The following PCDH15 variants were observed in gnomAD, a reference collection of about 807,000 sequenced individuals.
PCDH15 encodes protocadherin-15.
PCDH15 carries 129 observed loss-of-function variants against 178.5 expected under a neutral mutation model. The ratio of observed to expected loss-of-function variants is 0.72; its 90% CI spans 0.63 to 0.84. The LOEUF is 0.84. Ranked by LOEUF, PCDH15 falls within the 40% of genes least tolerant of loss-of-function variation. The pLI is 0.00. For missense variants in PCDH15, 2,230 were observed against 2,099.9 expected, an observed-to-expected ratio of 1.06 and a Z score of -1.21; for synonymous variants, 800 against 732.0, an observed-to-expected ratio of 1.09 and a Z score of -1.50.
chr10:54,414,333 A>G (rs574966877), intron 3 of PCDH15, among the ~76,000 whole-genome samples: 3 of 152,172 alleles, frequency 2.0e-5, no homozygotes, highest in South Asian at 2.1e-4. Flanking sequence ...CATAATTCCA[A>G]TCAAACATTT....
At chr10:55,080,660 G>A (rs565323197) in intron 2 of PCDH15, among the ~76,000 whole-genome samples, 3 of 152,266 alleles carry the variant, frequency 2.0e-5, no homozygotes, top group South Asian at 2.1e-4. Context: ...CATGGAGACT[G>A]TGCTACCAGA....
At chr10:54,102,323 G>A (rs760309725) in intron 15 of PCDH15, among the ~76,000 whole-genome samples, 3 of 152,176 alleles carry the variant, frequency 2.0e-5, no homozygotes, top group East Asian at 3.9e-4. Flanking sequence ...TGATGTTTCC[G>A]GTGGGCCTTA....
At chr10:54,541,643 T>G (rs1487913893) in intron 2 of PCDH15, among the ~76,000 whole-genome samples, 2 of 151,914 alleles carry the variant, frequency 1.3e-5, no homozygotes, top group African/African-American at 4.8e-5. Context: ...GTTTTGTAAT[T>G]GAAATATAAA....
intron 2 of PCDH15, among the ~76,000 whole-genome samples, chr10:54,660,865 G>T (rs1275620258): frequency 1.3e-5 from 2 of 151,918 alleles, no homozygotes; most frequent in African/African-American, 4.8e-5. Flanking sequence ...GTAGCCATAT[G>T]ATCATCTCAA....
At chr10:55,037,908 C>T (rs886266100) in intron 2 of PCDH15, among the ~76,000 whole-genome samples, 6 of 152,206 alleles carry the variant, frequency 3.9e-5, no homozygotes, top group South Asian at 2.1e-4. Context: ...TGATACCTAG[C>T]GCATATGACT....
At chr10:54,497,330 C>T (rs148191929) in intron 3 of PCDH15, among the ~76,000 whole-genome samples, 1 of 150,744 alleles carries the variant, frequency 6.6e-6, no homozygotes, top group East Asian at 1.9e-4. Flanking sequence ...ATTAAAAGAA[C>T]ATTAGCCCCC....
intron 2 of PCDH15, among the ~76,000 whole-genome samples, chr10:55,148,071 G>T (rs1564838551): frequency 1.3e-5 from 2 of 151,162 alleles, no homozygotes; most frequent in African/African-American, 2.4e-5. Flanking sequence ...TAAAGCTAAA[G>T]AAAATATTTT....
At chr10:55,567,448 A>G (rs1842324350) in intron 2 of PCDH15, among the ~76,000 whole-genome samples, 1 of 151,588 alleles carries the variant, frequency 6.6e-6, no homozygotes, top group African/African-American at 2.4e-5. Context: ...AAAAAAAAAG[A>G]AGATGAAATA....
intron 8 of PCDH15, among the ~76,000 whole-genome samples, chr10:54,256,225 G>C (rs1364708709): frequency 6.6e-6 from 1 of 152,096 alleles, no homozygotes; most frequent in Non-Finnish European, 1.5e-5. Context: ...TGGTCAGCTA[G>C]GCTCACCTAA....
chr10:54,955,025 T>A (rs2131878315), intron 2 of PCDH15, among the ~76,000 whole-genome samples: 1 of 151,380 alleles, frequency 6.6e-6, no homozygotes, highest in East Asian at 1.9e-4. Flanking sequence ...TTTCAGGTCA[T>A]TTTTTAATTG....
At chr10:54,992,316 C>T (rs1358587398) in intron 2 of PCDH15, among the ~76,000 whole-genome samples, 1 of 152,124 alleles carries the variant, frequency 6.6e-6, no homozygotes, top group African/African-American at 2.4e-5. Flanking sequence ...AACATGAACA[C>T]TTGATCCAAG....
chr10:55,338,817 T>C (rs1011806266), intron 2 of PCDH15, among the ~76,000 whole-genome samples: 4 of 151,994 alleles, frequency 2.6e-5, no homozygotes, highest in African/African-American at 4.8e-5. Context: ...ACAAAATCCT[T>C]TGATTGGCAA....
intron 11 of PCDH15, among the ~76,000 whole-genome samples, chr10:54,194,487 C>T (rs1564648451): frequency 6.6e-6 from 1 of 151,996 alleles, no homozygotes; most frequent in Non-Finnish European, 1.5e-5. Flanking sequence ...AGAGCAAGCA[C>T]TGTTAAGGGA....
chr10:55,301,461 T>C (rs1843277952), intron 1 of PCDH15, among the ~76,000 whole-genome samples: 2 of 152,104 alleles, frequency 1.3e-5, no homozygotes, highest in East Asian at 1.9e-4. Flanking sequence ...TTTTTTCTTT[T>C]TTAAAGTTGC....
chr10:54,569,348 G>A (rs2133531933), intron 2 of PCDH15, among the ~76,000 whole-genome samples: 1 of 152,150 alleles, frequency 6.6e-6, no homozygotes, highest in Middle Eastern at 3.4e-3. Flanking sequence ...CATGCTTATT[G>A]CTTAATGGTC....
At chr10:54,293,772 C>T (rs1362390848) in intron 8 of PCDH15, among the ~76,000 whole-genome samples, 1 of 152,088 alleles carries the variant, frequency 6.6e-6, no homozygotes, top group Non-Finnish European at 1.5e-5. Context: ...AATGAGATAC[C>T]ATCTCACACC....
At chr10:55,513,291 T>C (rs1331238444) in intron 2 of PCDH15, 1 of 152,098 alleles carries the variant, frequency 6.6e-6, no homozygotes, top group African/African-American at 2.4e-5. Context: ...ATTGATGACA[T>C]CAAAACTGCA....
chr10:55,375,481 T>C (rs891637389), intron 2 of PCDH15, among the ~76,000 whole-genome samples: 1 of 152,092 alleles, frequency 6.6e-6, no homozygotes, highest in Non-Finnish European at 1.5e-5. Context: ...CTCATCTGCA[T>C]CATCACAATT....
At chr10:54,087,359 G>A (rs1017708645) in intron 16 of PCDH15, among the ~76,000 whole-genome samples, 2 of 152,098 alleles carry the variant, frequency 1.3e-5, no homozygotes, top group African/African-American at 4.8e-5. Context: ...TCTTATAGAT[G>A]TGCCTATTAT....
Sources: gnomAD v4.1 joint callset for allele counts (sites outside exome capture counted in the v4.1 genomes callset) on GRCh38, gnomAD v4.1.1 for gene constraint, MANE v1.5 for transcripts, NCBI Gene and HGNC (gene_info 2026-07-23, HGNC 2026-07-21) for gene names.